The following ZNF804B variants were observed in gnomAD, a reference collection of about 807,000 sequenced individuals.
ZNF804B encodes the protein zinc finger protein 804B, also known as zinc finger 804B.
A neutral mutation model predicts 101.4 loss-of-function variants in ZNF804B; 80 were observed. That is an observed-to-expected ratio of 0.79 (90% CI 0.66 to 0.95). ZNF804B has a LOEUF of 0.95. Among genes scored for constraint, ZNF804B ranks in the 40% least tolerant of loss-of-function variants. The pLI is 0.00. For synonymous variants in ZNF804B, 622 were observed against 558.8 expected (o/e 1.11, Z -1.59); for missense variants, 1,673 against 1,561.9 (o/e 1.07, Z -1.20).
At chr7:89,240,491 A>G (rs1789351493) in intron 2 of ZNF804B, among the ~76,000 whole-genome samples, 2 of 152,068 alleles carry the variant, frequency 1.3e-5, no homozygotes, top group Middle Eastern at 6.8e-3. Flanking sequence ...GTGAAAAATC[A>G]TTACATAGTT....
At chr7:89,150,673 T>A (rs1790860732) in intron 1 of ZNF804B, among the ~76,000 whole-genome samples, 1 of 152,098 alleles carries the variant, frequency 6.6e-6, no homozygotes, top group Non-Finnish European at 1.5e-5. Context: ...TTTGGGTCAT[T>A]GCTAAGTAGA....
At chr7:88,845,291 G>GCGCACACA (rs1261617236) in intron 1 of ZNF804B, among the ~76,000 whole-genome samples, 13 of 106,540 alleles carry the variant, frequency 1.2e-4, no homozygotes, top group African/African-American at 5.0e-4. Flanking sequence ...ACGCGCGCGC[G>GCGCACACA]CACGCGCGCG....
At chr7:89,191,797 A>G (rs1474317014) in intron 1 of ZNF804B, among the ~76,000 whole-genome samples, 1 of 152,162 alleles carries the variant, frequency 6.6e-6, no homozygotes, top group Admixed American at 6.6e-5. Context: ...GCCTGAGGAC[A>G]TTATGTAGAA....
chr7:88,941,450 G>C (rs1286105536), intron 1 of ZNF804B, among the ~76,000 whole-genome samples: 2 of 151,892 alleles, frequency 1.3e-5, no homozygotes, highest in Non-Finnish European at 2.9e-5. Context: ...GAACTATCAA[G>C]CAATAAAAAG....
chr7:89,056,574 T>C (rs773264557), intron 1 of ZNF804B, among the ~76,000 whole-genome samples: 1 of 152,130 alleles, frequency 6.6e-6, no homozygotes, highest in East Asian at 1.9e-4. Flanking sequence ...TGCAGTATTT[T>C]TGATATGACA....
chr7:88,995,682 C>T (rs1788181232), intron 1 of ZNF804B, among the ~76,000 whole-genome samples: 1 of 151,920 alleles, frequency 6.6e-6, no homozygotes, highest in African/African-American at 2.4e-5. Flanking sequence ...TGACCTCCTT[C>T]CAAAGAGTGC....
rs1304685849 is a variant in ZNF804B at position 89,044,178 on chromosome 7, G to T, written c.109-173977G>T. Among the ~76,000 whole-genome samples the T allele has an allele frequency of 2.0e-5, 3 of 152,244 alleles. No homozygotes were observed. The South Asian group carries it at 6.2e-4, about 32-fold the overall frequency. ...TTTTCCTGGTAGTGAGTTCTCATGA[G>T]ATCTGATGGTTTTATAAAGGGCTTT... On this transcript the variant is annotated intron_variant, in intron 1 of 3. Coordinates refer to ENST00000333190, the MANE Select transcript of ZNF804B (RefSeq NM_181646.5).
chr7:88,863,275 G>C (rs189246723), intron 1 of ZNF804B, among the ~76,000 whole-genome samples: 1 of 152,124 alleles, frequency 6.6e-6, no homozygotes, highest in African/African-American at 2.4e-5. Context: ...CCTGATGTCA[G>C]TCCAAATGAC....
chr7:89,154,568 A>G (rs1005748417), intron 1 of ZNF804B, among the ~76,000 whole-genome samples: 1 of 152,142 alleles, frequency 6.6e-6, no homozygotes, highest in Non-Finnish European at 1.5e-5. Flanking sequence ...AACAACATGG[A>G]TGGAACTGGA....
chr7:88,792,772 A>AT (rs1790399830), intron 1 of ZNF804B, among the ~76,000 whole-genome samples: 1 of 152,012 alleles, frequency 6.6e-6, no homozygotes, highest in South Asian at 2.1e-4. Context: ...TATCTTAAAC[A>AT]TTTTTTTCTG....
At chr7:88,861,220 G>T (rs918539169) in intron 1 of ZNF804B, among the ~76,000 whole-genome samples, 6 of 152,176 alleles carry the variant, frequency 3.9e-5, no homozygotes, top group Admixed American at 3.3e-4. Context: ...TTTTTAAATG[G>T]GCTTATAACA....
chr7:89,141,393 G>T (rs888716016), intron 1 of ZNF804B, among the ~76,000 whole-genome samples: 34 of 152,000 alleles, frequency 2.2e-4, no homozygotes, highest in African/African-American at 8.2e-4. Flanking sequence ...ATAATAAAGT[G>T]AAGCACAATA....
chr7:89,272,081 G>T (rs1419006553), intron 2 of ZNF804B, among the ~76,000 whole-genome samples: 3 of 151,742 alleles, frequency 2.0e-5, no homozygotes, highest in Non-Finnish European at 1.5e-5. Flanking sequence ...CAATAGTCTT[G>T]CAATTTCACA....
intron 1 of ZNF804B, among the ~76,000 whole-genome samples, chr7:88,796,562 T>C (rs1790488583): frequency 6.6e-6 from 1 of 152,156 alleles, no homozygotes; most frequent in Non-Finnish European, 1.5e-5. Flanking sequence ...GCCTTCATTA[T>C]GGCCTTCTCT....
chr7:89,144,854 C>T (rs1338559845), intron 1 of ZNF804B, among the ~76,000 whole-genome samples: 1 of 151,764 alleles, frequency 6.6e-6, no homozygotes, highest in South Asian at 2.1e-4. Flanking sequence ...AGGCTGGGTG[C>T]CTATAATCCC....
intron 1 of ZNF804B, among the ~76,000 whole-genome samples, chr7:89,036,438 A>T (rs1473761785): frequency 6.6e-6 from 1 of 151,994 alleles, no homozygotes; most frequent in East Asian, 1.9e-4. Context: ...ATGGTAATTT[A>T]TGTGAGGGGA....
At chr7:88,857,822 CTTTTTTTTTT>C (rs55841922) in intron 1 of ZNF804B, among the ~76,000 whole-genome samples, 27 of 81,474 alleles carry the variant, frequency 3.3e-4, no homozygotes, top group South Asian at 5.0e-4. Flanking sequence ...CCTTTCTTTT[CTTTTTTTTTT>C]TTTTTTTTTT....
At chr7:89,124,614 G>A (rs144356717) in intron 1 of ZNF804B, among the ~76,000 whole-genome samples, 222 of 152,174 alleles carry the variant, frequency 1.5e-3, no homozygotes, top group African/African-American at 5.0e-3. Flanking sequence ...GAAGTAATTC[G>A]TCAAAACTTA....
intron 1 of ZNF804B, among the ~76,000 whole-genome samples, chr7:89,079,163 C>T (rs1315727977): frequency 6.6e-6 from 1 of 151,978 alleles, no homozygotes; most frequent in Non-Finnish European, 1.5e-5. Context: ...TATAGAGGCA[C>T]CATTTGTGAA....
Sources: gnomAD v4.1 joint callset for allele counts (sites outside exome capture counted in the v4.1 genomes callset) on GRCh38, gnomAD v4.1.1 for gene constraint, MANE v1.5 for transcripts, NCBI Gene and HGNC (gene_info 2026-07-23, HGNC 2026-07-21) for gene names.